CCT8: variants seen among roughly 807,000 people sequenced by gnomAD.
CCT8 encodes the protein chaperonin containing TCP1 subunit 8, also known as T-complex protein 1 subunit theta.
In CCT8, 10 loss-of-function variants were observed where a neutral mutation model predicts 65.7. The ratio of observed to expected loss-of-function variants is 0.15; its 90% confidence interval spans 0.09 to 0.26. CCT8 has a LOEUF of 0.26. CCT8 is among the 10% of genes least tolerant of loss of function. The pLI, the probability that CCT8 is intolerant of heterozygous loss-of-function variation, is 1.00. For missense variants in CCT8, 568 were observed against 669.1 expected, an observed-to-expected ratio of 0.85 and a Z score of 1.67; for synonymous variants, 199 against 221.8, an observed-to-expected ratio of 0.90 and a Z score of 0.92.
At chr21:29,069,100 A>G (rs541658126) in intron 3 of CCT8, among the ~76,000 whole-genome samples, 2 of 152,282 alleles carry the variant, frequency 1.3e-5, no homozygotes, top group African/African-American at 2.4e-5. Flanking sequence ...TGTTATATGT[A>G]TACGTTTTTG....
Position 29,061,324 on chromosome 21 carries a change from C to A in CCT8, c.1378G>T (p.Ala460Ser), listed in dbSNP as rs1487227317. 1 of 1,613,944 alleles carries A rather than the reference C, an allele frequency of 6.2e-7. No homozygotes were observed. The highest frequency in any genetic ancestry group is 1.7e-5 in the Admixed American group (1 of 60,014). The change falls in exon 13 of 15, where the codon GCC (alanine) becomes TCC (serine). Residue 460 changes from alanine to serine, a missense_variant. Ala to Ser is a moderately conservative substitution (Grantham distance 99). Transcript: ENST00000286788. ...RALAENSGVKANEVISKLYAV... is the reference protein window; with the variant it reads ...RALAENSGVKSNEVISKLYAV... ...TAAAGTTTAGAGATTACTTCATTGG[C>A]CTTAACTCCAGAGTTTTCTGCCAGT... is the stretch of plus-strand genomic sequence containing the variant.
intron 14 of CCT8, among the ~76,000 whole-genome samples, chr21:29,057,689 A>G (rs906018924): frequency 1.2e-5 from 1 of 82,578 alleles, no homozygotes; most frequent in Admixed American, 1.2e-4. Flanking sequence ...CGATACATAT[A>G]TCATACATAT....
At chr21:29,065,197 T>C (rs1333158219) in intron 6 of CCT8, 92 bp from the exon 7 acceptor site, 16 of 1,369,990 alleles carry the variant, frequency 1.2e-5, no homozygotes, top group South Asian at 2.5e-5. Context: ...AATATCCCTT[T>C]CTAAAATAAA....
rs1164296781 is a variant in CCT8 at position 29,063,421 on chromosome 21, A to G, written c.872T>C (p.Val291Ala). ...KAIADTGANV[V>A]VTGGKVADMA... ...GTCTGCCACTTTGCCACCTGTTACT[A>G]CGACATTTGCACCAGTATCAGCAAT... Residue 291 changes from valine to alanine, a missense_variant, in exon 8 of 15, where the codon GTA (valine) becomes GCA (alanine). By Grantham distance (64) the Val-to-Ala change is moderately conservative. Coordinates refer to ENST00000286788, the MANE Select transcript of CCT8 (RefSeq NM_006585.4). 6 of 1,614,022 alleles carry G rather than the reference A, an allele frequency of 3.7e-6. No individual in the cohort carries two copies. The East Asian group carries it at 1.1e-4, about 30-fold the overall frequency.
intron 11 of CCT8, 119 bp downstream of exon 11, chr21:29,062,009 T>C: frequency 1.4e-6 from 1 of 691,018 alleles, no homozygotes; most frequent in Non-Finnish European, 2.5e-6. Flanking sequence ...GGTGCTTCAT[T>C]TCATATAAAC....
At chr21:29,064,855 TA>T (rs2085604041) in intron 7 of CCT8, 112 bp downstream of exon 7, 2 of 831,554 alleles carry the variant, frequency 2.4e-6, no homozygotes, top group Non-Finnish European at 3.8e-6. Context: ...AAAAAATAGG[TA>T]AGATCCTGCA....
intron 14 of CCT8, chr21:29,060,219 C>A (rs1208148106): frequency 1.2e-5 from 2 of 173,642 alleles, no homozygotes; most frequent in Non-Finnish European, 2.4e-5. Context: ...CTAGAGACTC[C>A]ATTTTCCTTC....
At chr21:29,064,547 A>G (rs2085600670) in intron 7 of CCT8, among the ~76,000 whole-genome samples, 1 of 152,170 alleles carries the variant, frequency 6.6e-6, no homozygotes, top group Non-Finnish European at 1.5e-5. Flanking sequence ...AGATGAAGTC[A>G]GCCACTATTG....
At chr21:29,059,425 T>C (rs1246282797) in intron 14 of CCT8, 17 of 152,218 alleles carry the variant, frequency 1.1e-4, no homozygotes, top group Admixed American at 1.1e-3. Context: ...AAACTGCCTT[T>C]GTGACCAAGG....
In CCT8 at chr21:29,063,406, T is replaced by A; in HGVS notation, c.887A>T (p.Lys296Ile). ...ATAATGAAGAGCCATGTCTGCCACT[T>A]TGCCACCTGTTACTACGACATTTGC... is the stretch of plus-strand genomic sequence containing the variant. ...TGANVVVTGG[K>I]VADMALHYAN... Residue 296 changes from lysine (K) to isoleucine (I), a missense_variant, in exon 8 of 15, where the codon AAA becomes ATA. By Grantham distance (102) the Lys-to-Ile change is moderately radical. Transcript: ENST00000286788. The A allele has an allele frequency of 6.2e-7, 1 of 1,614,160 alleles. No homozygotes were observed. The highest frequency in any genetic ancestry group is 8.5e-7 in the Non-Finnish European group (1 of 1,180,024).
At chr21:29,060,946 T>A (rs2085556409) in intron 13 of CCT8, among the ~76,000 whole-genome samples, 1 of 151,950 alleles carries the variant, frequency 6.6e-6, no homozygotes, top group Non-Finnish European at 1.5e-5. Context: ...TTATATAACA[T>A]AGTGTAAATA....
intron 6 of CCT8, among the ~76,000 whole-genome samples, chr21:29,065,602 A>T (rs2085613094): frequency 6.6e-6 from 1 of 152,212 alleles, no homozygotes; most frequent in South Asian, 2.1e-4. Flanking sequence ...AATGTGCAAA[A>T]CCAAAACCAT....
intron 14 of CCT8, among the ~76,000 whole-genome samples, chr21:29,057,654 ATATAT>A (rs913589594): frequency 7.2e-5 from 9 of 124,578 alleles, no homozygotes; most frequent in Non-Finnish European, 1.6e-4. Context: ...TTGATAATAT[ATATAT>A]GATATATGTA....
In CCT8 at chr21:29,056,418, G is replaced by A; in HGVS notation, c.*57C>T. 2.3e-6 allele frequency: 2 copies of A among 884,232 alleles called. No homozygotes were observed. The highest frequency in any genetic ancestry group is 2.8e-5 in the East Asian group (1 of 35,220). 54.8% of individuals were successfully genotyped at this position (884,232 alleles called of 1,614,324 possible). On this transcript the variant is annotated 3_prime_UTR_variant, in exon 15 of 15. Coordinates refer to ENST00000286788, the MANE Select transcript of CCT8 (RefSeq NM_006585.4). Reference sequence around the variant, plus strand: ...TAAGGAGAATAAGAAAACATCAGGTGATTCTTGAGTACTACTACAAATACA... The same window carrying A: ...TAAGGAGAATAAGAAAACATCAGGTAATTCTTGAGTACTACTACAAATACA...
intron 11 of CCT8, 31 bp from the exon 12 acceptor site, chr21:29,061,598 T>A (rs750153549): frequency 2.2e-5 from 35 of 1,567,152 alleles, no homozygotes; most frequent in Non-Finnish European, 2.7e-5. Context: ...AAAAAAAAAA[T>A]GAACACAAAA....
chr21:29,064,198 G>A (rs1045523588), intron 7 of CCT8, among the ~76,000 whole-genome samples: 2 of 151,612 alleles, frequency 1.3e-5, no homozygotes, highest in African/African-American at 4.8e-5. Flanking sequence ...GGGCGCGGTG[G>A]CTCATGCCTG....
intron 1 of CCT8, among the ~76,000 whole-genome samples, chr21:29,072,970 A>G (rs2070612): frequency 0.057 from 8,725 of 152,332 alleles, 584 homozygotes; most frequent in East Asian, 0.16. Context: ...GCCAGCTAAC[A>G]TAAGTTGGGA....
intron 3 of CCT8, 37 bp from the exon 4 acceptor site, chr21:29,067,742 C>G: frequency 7.6e-7 from 1 of 1,320,230 alleles, no homozygotes; most frequent in Non-Finnish European, 9.8e-7. Flanking sequence ...AACATCTGAT[C>G]CTTAAAGCAA....
At position 29,062,215 on chromosome 21, in the gene CCT8, T is replaced by C; in HGVS notation, c.1125A>G (p.Ile375Met). ...HEKEDGAIST[I>M]VLRGSTDNLM... The stretch of plus-strand genomic sequence containing the variant: ...GATTGTCTGTAGAGCCTCGAAGTAC[T>C]ATGGTAGAAATGGCGCCATCTTCCT... The change falls in exon 11 of 15, where the codon ATA becomes ATG. Residue 375 changes from isoleucine (I) to methionine (M), a missense_variant. Ile to Met is a conservative substitution (Grantham distance 10, BLOSUM62 1). Coordinates refer to ENST00000286788, the MANE Select transcript of CCT8 (RefSeq NM_006585.4). 1 of 1,613,858 alleles carries C rather than the reference T, an allele frequency of 6.2e-7. No homozygotes were observed.
Sources: gnomAD v4.1 joint callset for allele counts (sites outside exome capture counted in the v4.1 genomes callset) on GRCh38, gnomAD v4.1.1 for gene constraint, MANE v1.5 for transcripts, NCBI Gene and HGNC (gene_info 2026-07-23, HGNC 2026-07-21) for gene names.